The following NRP2 variants were observed in gnomAD, a reference collection of about 807,000 sequenced individuals.
NRP2 encodes neuropilin 2, also known as neuropilin-2.
A neutral mutation model predicts 110.4 loss-of-function variants in NRP2; 52 were observed. The observed-to-expected ratio is 0.47, with a 90% CI of 0.38 to 0.59. The LOEUF (loss-of-function observed/expected upper bound fraction) is 0.59, where lower values mean the gene tolerates loss of function less well. Among genes scored for constraint, NRP2 ranks in the 20% least tolerant of loss-of-function variants. NRP2 has a pLI of 0.00. For missense variants in NRP2, 1,049 were observed against 1,203.0 expected, an observed-to-expected ratio of 0.87 and a Z score of 1.89; for synonymous variants, 508 against 468.9, an observed-to-expected ratio of 1.08 and a Z score of -1.08.
At chr2:205,750,683 A>G (rs577059985) in intron 11 of NRP2, among the ~76,000 whole-genome samples, 1 of 152,346 alleles carries the variant, frequency 6.6e-6, no homozygotes, top group African/African-American at 2.4e-5. Flanking sequence ...GTTAAGCTTG[A>G]CAGCCTCAAC....
chr2:205,751,888 A>G (rs570525724), intron 11 of NRP2, among the ~76,000 whole-genome samples: 3 of 152,252 alleles, frequency 2.0e-5, no homozygotes, highest in African/African-American at 7.2e-5. Context: ...ACTGCCGGCA[A>G]ACAACCAAAT....
intron 15 of NRP2, among the ~76,000 whole-genome samples, chr2:205,785,486 C>A (rs1411635615): frequency 6.6e-6 from 1 of 152,134 alleles, no homozygotes. Flanking sequence ...AGGTAGCCAA[C>A]AAAAGAAATG....
intron 15 of NRP2, chr2:205,776,767 T>C: frequency 7.0e-7 from 1 of 1,419,776 alleles, no homozygotes; most frequent in Admixed American, 2.6e-5. Context: ...TAATGCTGCA[T>C]CTTGGACTAT....
intron 16 of NRP2, 45 bp from the exon 17 acceptor site, chr2:205,794,709 A>T: frequency 6.3e-7 from 1 of 1,598,306 alleles, no homozygotes; most frequent in Non-Finnish European, 8.6e-7. Context: ...CTTCACCCTG[A>T]CATAGGCAGT....
rs33925097 is a variant in NRP2 at position 205,718,942 on chromosome 2, C to CCA, written c.433+2568_433+2569insCA. The stretch of plus-strand genomic sequence containing the variant: ...GGACGACAAGAGCGAAATTCCATCT[C>CCA]AAAAAAAAAAAAAAGTCAACCTTGT... On this transcript the variant is annotated intron_variant, in intron 3 of 16. Transcript: ENST00000357785. Among the ~76,000 whole-genome samples, 4 of 143,708 alleles carry CCA rather than the reference C, an allele frequency of 2.8e-5. No homozygotes were observed. The East Asian group carries it at 8.2e-4, about 29-fold the overall frequency. The allele number at this position is 143,708 out of a possible 152,430, so 94.3% of individuals were successfully genotyped here. A position where few individuals can be genotyped will look rare whatever the true frequency, so the allele number is the denominator to read the frequency against.
At chr2:205,776,541 A>C (rs1174457732) in intron 15 of NRP2, 1 of 1,601,842 alleles carries the variant, frequency 6.2e-7, no homozygotes, top group African/African-American at 1.3e-5. Flanking sequence ...CGAAGCAAGA[A>C]CAGCACCCAA....
In NRP2 at chr2:205,795,782, T is replaced by G. The variant is rs2058346976; in HGVS notation, c.*724T>G. 1 of 152,644 alleles carries G rather than the reference T, an allele frequency of 6.6e-6. No homozygotes were observed. Among genetic ancestry groups the G allele is most frequent in the African/African-American group, 2.4e-5 (1 of 41,458 alleles). The allele number at this position is 152,644 out of a possible 1,614,324, so 9.5% of individuals were successfully genotyped here. A position where few individuals can be genotyped will look rare whatever the true frequency, so the allele number is the denominator to read the frequency against. ...ATTTAAAACAAACTGGAAAGGAAAC[T>G]TCACACGTCAAAATCCATAGAAGCG... On this transcript the variant is annotated 3_prime_UTR_variant, in exon 17 of 17. Coordinates refer to ENST00000357785, the MANE Select transcript of NRP2 (RefSeq NM_003872.3).
At chr2:205,718,148 G>T (rs765860434) in intron 3 of NRP2, among the ~76,000 whole-genome samples, 3 of 152,116 alleles carry the variant, frequency 2.0e-5, no homozygotes, top group Non-Finnish European at 4.4e-5. Flanking sequence ...CAGGAAGCTG[G>T]CCAAGGGAAG....
At chr2:205,749,919 T>C (rs1575625435) in intron 11 of NRP2, 78 bp downstream of exon 11, 1 of 1,131,050 alleles carries the variant, frequency 8.8e-7, no homozygotes, top group Non-Finnish European at 1.3e-6. Flanking sequence ...GACAGGGACC[T>C]AGTGGTCCCC....
At chr2:205,780,366 TTG>T (rs1197681324) in intron 15 of NRP2, among the ~76,000 whole-genome samples, 7 of 152,218 alleles carry the variant, frequency 4.6e-5, no homozygotes, top group Admixed American at 4.6e-4. Flanking sequence ...GGAGAGGCAC[TTG>T]GGGAAACTTA....
At chr2:205,689,949 GAGTCATTA>G (rs1031320373) in intron 1 of NRP2, among the ~76,000 whole-genome samples, 13 of 152,210 alleles carry the variant, frequency 8.5e-5, no homozygotes, top group Admixed American at 8.5e-4. Context: ...CTTCATAAAG[GAGTCATTA>G]TCTAATCCAG....
chr2:205,719,214 C>T (rs2056962689), intron 3 of NRP2, among the ~76,000 whole-genome samples: 1 of 152,110 alleles, frequency 6.6e-6, no homozygotes, highest in Admixed American at 6.5e-5. Context: ...AAACTGTAAA[C>T]ACAGATACGC....
chr2:205,771,423 C>G (rs2058022171), intron 15 of NRP2, among the ~76,000 whole-genome samples: 1 of 152,136 alleles, frequency 6.6e-6, no homozygotes, highest in Non-Finnish European at 1.5e-5. Flanking sequence ...GTTCCTCCAC[C>G]AGCACTTCAT....
In NRP2 at chr2:205,693,643, T is replaced by TCC. The variant is rs144006746; in HGVS notation, c.74-3901_74-3900insCC. ...CCCAGAAAGGTCAAATTGAGTGAGTTAAGAGTTGGGTGCCATCTCCCATCT... is the reference window on the plus strand; with the variant it reads ...CCCAGAAAGGTCAAATTGAGTGAGTTCCAAGAGTTGGGTGCCATCTCCCATCT... On this transcript the variant is annotated intron_variant, in intron 1 of 16. Transcript: ENST00000357785. Among the ~76,000 whole-genome samples the TCC allele has an allele frequency of 2.3e-3, 358 of 152,342 alleles. 3 individuals carry two copies. The highest frequency in any genetic ancestry group is 8.2e-3 in the African/African-American group (341 of 41,582).
At chr2:205,736,697 G>T (rs867099862) in intron 7 of NRP2, among the ~76,000 whole-genome samples, 1 of 152,164 alleles carries the variant, frequency 6.6e-6, no homozygotes, top group Admixed American at 6.5e-5. Context: ...TTTCCTGAAG[G>T]AGAAACCAAG....
In NRP2 at chr2:205,754,798, G is replaced by A. The variant is rs2057706713; in HGVS notation, c.2044+1823G>A. 3.6e-5 allele frequency among the ~76,000 whole-genome samples: 4 copies of A among 110,208 alleles called. 1 individual carries two copies. In the South Asian group the frequency reaches 9.4e-4, roughly 26 times the overall value. The allele number at this position is 110,208 out of a possible 152,430, so 72.3% of individuals were successfully genotyped here. On this transcript the variant is annotated intron_variant, in intron 12 of 16. Transcript: ENST00000357785. ...GTGCATGAGTGTGTTTGTGGTTTCT[G>A]TGCATGGGTGTGTGTGTGTGTCTGT...
chr2:205,758,491 C>G (rs968849399), intron 12 of NRP2, among the ~76,000 whole-genome samples: 1 of 152,170 alleles, frequency 6.6e-6, no homozygotes, highest in African/African-American at 2.4e-5. Flanking sequence ...CGTAAATCGC[C>G]AGGTGAAATA....
chr2:205,732,285 C>T (rs1485080480), intron 7 of NRP2, among the ~76,000 whole-genome samples: 1 of 152,184 alleles, frequency 6.6e-6, no homozygotes, highest in African/African-American at 2.4e-5. Context: ...GGCCACATCC[C>T]TTCAAAACAA....
intron 10 of NRP2, among the ~76,000 whole-genome samples, chr2:205,748,812 C>G (rs2057587552): frequency 6.6e-6 from 1 of 152,152 alleles, no homozygotes; most frequent in Non-Finnish European, 1.5e-5. Flanking sequence ...TCACCCCACC[C>G]AGGGCCTGAC....
Sources: gnomAD v4.1 joint callset for allele counts (sites outside exome capture counted in the v4.1 genomes callset) on GRCh38, gnomAD v4.1.1 for gene constraint, MANE v1.5 for transcripts, NCBI Gene and HGNC (gene_info 2026-07-23, HGNC 2026-07-21) for gene names.